Variants in MAP3K7CL observed in about 807,000 individuals in gnomAD.
MAP3K7CL encodes MAP3K7 C-terminal-like protein.
A neutral mutation model predicts 18.6 loss-of-function variants in MAP3K7CL; 16 were observed. That is an observed-to-expected ratio of 0.86 (90% CI 0.58 to 1.31). The LOEUF (loss-of-function observed/expected upper bound fraction) is 1.31. Among genes scored for constraint, MAP3K7CL ranks in the 50% most tolerant of loss-of-function variants. The probability of loss-of-function intolerance (pLI) is 0.00; values close to 1 mark genes in which losing one functional copy is unlikely to be tolerated. For missense variants in MAP3K7CL, 163 were observed against 174.4 expected (o/e 0.93, Z 0.37); for synonymous variants, 65 against 66.8 (o/e 0.97, Z 0.13).
intron 4 of MAP3K7CL, among the ~76,000 whole-genome samples, chr21:29,099,293 C>T (rs1030489104): frequency 4.4e-5 from 5 of 114,554 alleles, no homozygotes; most frequent in East Asian, 5.4e-4. Context: ...TTTGTAGAGA[C>T]GGGATCTTGC....
chr21:29,119,662 C>CTT (rs58443653), intron 4 of MAP3K7CL, among the ~76,000 whole-genome samples: 19,620 of 135,008 alleles, frequency 0.15, 1,831 homozygotes, highest in East Asian at 0.39. Context: ...AATCCTAAAA[C>CTT]TTTTTTTTTT....
chr21:29,151,997 T>C (rs1301169292), intron 3 of MAP3K7CL, among the ~76,000 whole-genome samples: 1 of 152,140 alleles, frequency 6.6e-6, no homozygotes, highest in Middle Eastern at 3.2e-3. Context: ...GATTTTTTTT[T>C]CCCCCTTAAA....
At chr21:29,151,432 C>T (rs764838381) in intron 3 of MAP3K7CL, among the ~76,000 whole-genome samples, 8 of 151,940 alleles carry the variant, frequency 5.3e-5, no homozygotes, top group Non-Finnish European at 1.2e-4. Flanking sequence ...CAAGATCGTA[C>T]CACTGCACTC....
intron 4 of MAP3K7CL, among the ~76,000 whole-genome samples, chr21:29,094,988 G>A (rs538407379): frequency 6.6e-6 from 1 of 152,012 alleles, no homozygotes; most frequent in African/African-American, 2.4e-5. Flanking sequence ...AGCCTGGGAG[G>A]CGGAGGTTGC....
Position 29,092,540 on chromosome 21 carries a change from A to G in MAP3K7CL, c.329A>G (p.Lys110Arg), listed in dbSNP as rs2146503768. The G allele has an allele frequency of 8.7e-6, 14 of 1,614,226 alleles. No individual in the cohort carries two copies. In the Middle Eastern group the frequency reaches 4.9e-4, roughly 57 times the overall value. ...GATTGGATGCTCACTCTGAAGCCAA[A>G]GTCTATTACTGTGCCCGTGGAAATC... is the stretch of plus-strand genomic sequence containing the variant. The change falls in exon 4 of 7, where the codon AAG becomes AGG. Residue 110 changes from lysine to arginine, a missense_variant. Coordinates refer to the MAP3K7CL transcript ENST00000286791.
upstream of MAP3K7CL, among the ~76,000 whole-genome samples, chr21:29,128,764 C>T (rs1050656043): frequency 2.0e-5 from 3 of 152,104 alleles, no homozygotes; most frequent in African/African-American, 4.8e-5. Context: ...TCTGTCAAAT[C>T]GGGATGGCAA....
intron 4 of MAP3K7CL, among the ~76,000 whole-genome samples, chr21:29,107,093 G>A (rs899755202): frequency 6.6e-6 from 1 of 152,156 alleles, no homozygotes; most frequent in African/African-American, 2.4e-5. Context: ...CGAGGCGGGT[G>A]GATCATGAGG....
At chr21:29,160,135 CT>C (rs1382158520) in intron 4 of MAP3K7CL, 79 bp downstream of exon 4, 5 of 1,112,070 alleles carry the variant, frequency 4.5e-6, no homozygotes, top group Non-Finnish European at 6.6e-6. Flanking sequence ...AGGGGACAGG[CT>C]GAGTGTGAGG....
intron 3 of MAP3K7CL, among the ~76,000 whole-genome samples, chr21:29,159,706 G>A (rs2087494943): frequency 6.6e-6 from 1 of 152,100 alleles, no homozygotes; most frequent in South Asian, 2.1e-4. Flanking sequence ...TCAGGCCTGA[G>A]ATGCCCATGA....
intron 4 of MAP3K7CL, among the ~76,000 whole-genome samples, chr21:29,104,546 G>A (rs1482564021): frequency 6.6e-6 from 1 of 152,198 alleles, no homozygotes; most frequent in Non-Finnish European, 1.5e-5. Flanking sequence ...CGCACATGCT[G>A]TGAATTTGAG....
At chr21:29,078,877 A>G (rs2085792090) in intron 1 of MAP3K7CL, among the ~76,000 whole-genome samples, 1 of 152,226 alleles carries the variant, frequency 6.6e-6, no homozygotes, top group South Asian at 2.1e-4. Context: ...GGCATGGCTA[A>G]GGTAAAGTCC....
At chr21:29,135,392 T>G (rs1656805907) in intron 2 of MAP3K7CL, among the ~76,000 whole-genome samples, 1 of 152,198 alleles carries the variant, frequency 6.6e-6, no homozygotes, top group African/African-American at 2.4e-5. Flanking sequence ...TTTCCTTTCT[T>G]TTTTACTCAT....
rs140249328 is a variant in MAP3K7CL, at chr21:29,120,670, TTTTCTTTCTTTC to T, written c.370+28099_370+28110del. Among the ~76,000 whole-genome samples the T allele has an allele frequency of 8.0e-5, 12 of 150,636 alleles. No individual in the cohort carries two copies. The East Asian group carries it at 2.4e-3, about 30-fold the overall frequency. On this transcript the variant is annotated intron_variant, in intron 4 of 6. Coordinates refer to the MAP3K7CL transcript ENST00000286791. The stretch of plus-strand genomic sequence containing the variant: ...GTTTGAGTCTCTTTTCTTTCTTTCT[TTTTCTTTCTTTC>T]TTTCTTTCTGTTTCTTTCTTTCCTT...
intron 4 of MAP3K7CL, among the ~76,000 whole-genome samples, chr21:29,105,763 A>G (rs972783810): frequency 6.6e-6 from 1 of 152,154 alleles, no homozygotes; most frequent in Non-Finnish European, 1.5e-5. Flanking sequence ...AGAGCGTTTT[A>G]AATCACCTCC....
intron 4 of MAP3K7CL, among the ~76,000 whole-genome samples, chr21:29,116,482 A>G (rs114822737): frequency 0.02 from 3,018 of 152,330 alleles, 99 homozygotes; most frequent in African/African-American, 0.068. Context: ...CCTACTGCCC[A>G]TGTAGCCACA....
chr21:29,116,471 T>C lies in MAP3K7CL; in HGVS notation c.370+23890T>C, dbSNP rs2086507304. 2.0e-5 allele frequency among the ~76,000 whole-genome samples: 3 copies of C among 152,364 alleles called. No individual in the cohort carries two copies. In the South Asian group the frequency reaches 6.2e-4, roughly 32 times the overall value. On this transcript the variant is annotated intron_variant, in intron 4 of 6. Transcript: ENST00000286791. Reference sequence around the variant, plus strand: ...CAGAATCACATGGGCCTCAATTCTTTCCTACTGCCCATGTAGCCACAAATG... The same window carrying C: ...CAGAATCACATGGGCCTCAATTCTTCCCTACTGCCCATGTAGCCACAAATG...
At chr21:29,109,667 A>G in intron 4 of MAP3K7CL, 1 of 987,504 alleles carries the variant, frequency 1.0e-6, no homozygotes, top group Non-Finnish European at 1.2e-6. Flanking sequence ...ATTACTCTGC[A>G]TTTAGGGTTC....
chr21:29,133,514 T>C, intron 2 of MAP3K7CL, 100 bp downstream of exon 2: 1 of 776,664 alleles, frequency 1.3e-6, no homozygotes, highest in Non-Finnish European at 1.9e-6. Flanking sequence ...AGTTGCATGC[T>C]TGCATGACCT....
At chr21:29,096,267 A>G (rs921439607) in intron 4 of MAP3K7CL, among the ~76,000 whole-genome samples, 3 of 152,244 alleles carry the variant, frequency 2.0e-5, no homozygotes, top group Admixed American at 2.0e-4. Flanking sequence ...TTAGGTGCGT[A>G]CTTTGGGCCA....
Sources: gnomAD v4.1 joint callset for allele counts (sites outside exome capture counted in the v4.1 genomes callset) on GRCh38, gnomAD v4.1.1 for gene constraint, MANE v1.5 for transcripts, NCBI Gene and HGNC (gene_info 2026-07-23, HGNC 2026-07-21) for gene names.